The following NRXN1 variants were observed in gnomAD, a reference collection of about 807,000 sequenced individuals.
NRXN1 encodes the protein neurexin-1.
In NRXN1, 39 loss-of-function variants were observed where a neutral mutation model predicts 150.9. The ratio of observed to expected loss-of-function variants is 0.26; its 90% CI spans 0.20 to 0.34. The LOEUF is 0.34. NRXN1 is among the 10% of genes least tolerant of loss of function. The probability of loss-of-function intolerance (pLI) is 1.00; values close to 1 mark genes in which losing one functional copy is unlikely to be tolerated. For missense variants in NRXN1, 1,815 were observed against 1,949.9 expected (o/e 0.93, Z 1.30); for synonymous variants, 924 against 757.0 (o/e 1.22, Z -3.62).
rs1218365887 is a variant in NRXN1, at chr2:50,219,939, TATATTATATATATA to T, written c.3546+16836_3546+16849del. Among the ~76,000 whole-genome samples, 249 of 81,790 alleles carry T rather than the reference TATATTATATATATA, an allele frequency of 3.0e-3. 6 individuals carry two copies. The highest frequency in any genetic ancestry group is 0.017 in the African/African-American group (237 of 13,854). The allele number at this position is 81,790 out of a possible 152,430, so 53.7% of individuals were successfully genotyped here. A position where few individuals can be genotyped will look rare whatever the true frequency, so the allele number is the denominator to read the frequency against. On this transcript the variant is annotated intron_variant, in intron 18 of 22. Transcript: ENST00000401669. ...ATCTCTCTCTATATTATATATATTA[TATATTATATATATA>T]ATATATATATTATATATATATAATA...
intron 21 of NRXN1, chr2:49,973,704 G>T (rs577798592): frequency 2.1e-4 from 98 of 461,442 alleles, no homozygotes; most frequent in African/African-American, 1.8e-3. Context: ...ACACAAAGCA[G>T]CAGACAAAAC....
chr2:50,142,168 C>T (rs544041841), intron 18 of NRXN1, among the ~76,000 whole-genome samples: 1 of 152,080 alleles, frequency 6.6e-6, no homozygotes, highest in Admixed American at 6.6e-5. Context: ...ATGAATGAAA[C>T]TGAAGGGCAT....
At chr2:50,366,703 C>T (rs2079607937) in intron 17 of NRXN1, among the ~76,000 whole-genome samples, 1 of 151,728 alleles carries the variant, frequency 6.6e-6, no homozygotes, top group South Asian at 2.1e-4. Context: ...CTATTTTTTG[C>T]CATAAAACCT....
intron 5 of NRXN1, among the ~76,000 whole-genome samples, chr2:50,908,857 A>G (rs1333605848): frequency 6.6e-6 from 1 of 151,900 alleles, no homozygotes; most frequent in Non-Finnish European, 1.5e-5. Context: ...GGACTCTCTT[A>G]CCCTCTCACC....
chr2:50,062,722 G>A (rs183457997), intron 19 of NRXN1, among the ~76,000 whole-genome samples: 2 of 152,086 alleles, frequency 1.3e-5, no homozygotes, highest in African/African-American at 2.4e-5. Flanking sequence ...GATCAGTAGA[G>A]ACAAGCTATA....
chr2:50,677,656 T>C (rs778582981), intron 5 of NRXN1, among the ~76,000 whole-genome samples: 8 of 152,144 alleles, frequency 5.3e-5, no homozygotes, highest in Non-Finnish European at 7.4e-5. Flanking sequence ...ATGTATTCTC[T>C]AAGCACATAT....
At chr2:49,979,911 T>TC (rs1361219810) in intron 21 of NRXN1, among the ~76,000 whole-genome samples, 8 of 151,792 alleles carry the variant, frequency 5.3e-5, no homozygotes, top group African/African-American at 1.9e-4. Flanking sequence ...TTTTGGTTTT[T>TC]TTTTTCTGCT....
At chr2:50,535,707 A>G (rs1300593518) in intron 10 of NRXN1, among the ~76,000 whole-genome samples, 1 of 152,166 alleles carries the variant, frequency 6.6e-6, no homozygotes, top group Non-Finnish European at 1.5e-5. Flanking sequence ...CAATACATGT[A>G]AAACAAAATA....
At chr2:50,943,179 C>T (rs1033121720) in intron 2 of NRXN1, among the ~76,000 whole-genome samples, 3 of 152,048 alleles carry the variant, frequency 2.0e-5, no homozygotes, top group Admixed American at 6.6e-5. Context: ...TCTCCTGAGG[C>T]CTCCCAGCCA....
chr2:50,657,266 C>T (rs917647412), intron 5 of NRXN1, among the ~76,000 whole-genome samples: 2 of 152,116 alleles, frequency 1.3e-5, no homozygotes, highest in African/African-American at 4.8e-5. Context: ...TCAGTGGCTC[C>T]TTCCTCTGCC....
chr2:50,567,052 T>A lies in NRXN1; in HGVS notation c.1321-14027A>T, dbSNP rs996028249. On this transcript the variant is annotated intron_variant, in intron 8 of 22. Coordinates refer to ENST00000401669, the MANE Select transcript of NRXN1 (RefSeq NM_001330078.2). ...TCATCCTACTCTCTTTCTCTCTTGA[T>A]GTCAGGATAATTGTTTTTCTCCTTT... Among the ~76,000 whole-genome samples, 9 of 152,242 alleles carry A rather than the reference T, an allele frequency of 5.9e-5. No individual in the cohort carries two copies. The East Asian group carries it at 7.7e-4, about 13-fold the overall frequency.
At chr2:50,935,381 C>T (rs1688379767) in intron 2 of NRXN1, among the ~76,000 whole-genome samples, 1 of 152,070 alleles carries the variant, frequency 6.6e-6, no homozygotes, top group African/African-American at 2.4e-5. Context: ...GGAACTACTA[C>T]ATAGAAATAA....
intron 9 of NRXN1, among the ~76,000 whole-genome samples, chr2:50,552,232 C>G (rs1207659123): frequency 1.3e-5 from 2 of 152,038 alleles, no homozygotes; most frequent in Non-Finnish European, 2.9e-5. Context: ...CTTCGGGTAC[C>G]TCCAAACATC....
intron 5 of NRXN1, among the ~76,000 whole-genome samples, chr2:50,667,576 T>C (rs888494249): frequency 6.6e-6 from 1 of 152,104 alleles, no homozygotes; most frequent in South Asian, 2.1e-4. Flanking sequence ...AGGAAATTCG[T>C]TGGTTCACTG....
intron 17 of NRXN1, among the ~76,000 whole-genome samples, chr2:50,255,829 A>G (rs1302338988): frequency 6.6e-6 from 1 of 152,196 alleles, no homozygotes; most frequent in Non-Finnish European, 1.5e-5. Context: ...AACACATTAT[A>G]GTCTGCTTAT....
intron 8 of NRXN1, among the ~76,000 whole-genome samples, chr2:50,579,457 A>C (rs577854121): frequency 1.3e-5 from 2 of 152,124 alleles, no homozygotes; most frequent in Non-Finnish European, 2.9e-5. Flanking sequence ...ACCCAGTTTG[A>C]GATCAGCCTG....
At chr2:49,936,882 ACTC>A (rs1671140860) in intron 22 of NRXN1, among the ~76,000 whole-genome samples, 1 of 151,886 alleles carries the variant, frequency 6.6e-6, no homozygotes, top group Non-Finnish European at 1.5e-5. Context: ...TTTCTGCTGA[ACTC>A]CTAGTAGAAA....
At chr2:50,438,323 G>A (rs2085631249) in intron 17 of NRXN1, among the ~76,000 whole-genome samples, 1 of 152,184 alleles carries the variant, frequency 6.6e-6, no homozygotes, top group Non-Finnish European at 1.5e-5. Context: ...CTAGGAGTGG[G>A]ATTTATCTTA....
chr2:50,723,485 G>C, intron 5 of NRXN1, among the ~76,000 whole-genome samples: 1 of 152,308 alleles, frequency 6.6e-6, no homozygotes, highest in Non-Finnish European at 1.5e-5. Flanking sequence ...TTAAATTATT[G>C]TTATGTGGAA....
Sources: gnomAD v4.1 joint callset for allele counts (sites outside exome capture counted in the v4.1 genomes callset) on GRCh38, gnomAD v4.1.1 for gene constraint, MANE v1.5 for transcripts, NCBI Gene and HGNC (gene_info 2026-07-23, HGNC 2026-07-21) for gene names.